KIF15: variants seen among roughly 807,000 people sequenced by gnomAD.
The protein encoded by KIF15 is kinesin family member 15, also known as kinesin-like protein KIF15.
Under a neutral mutation model 190.6 loss-of-function variants are expected in KIF15, and 140 were observed. That is an observed-to-expected ratio of 0.73 (90% CI 0.64 to 0.84). The LOEUF (loss-of-function observed/expected upper bound fraction) is 0.84, where lower values mean the gene tolerates loss of function less well. Ranked by LOEUF, KIF15 falls within the 40% of genes least tolerant of loss-of-function variation. KIF15 has a pLI of 0.00. For missense variants in KIF15, 1,372 were observed against 1,584.4 expected (o/e 0.87, Z 2.28); for synonymous variants, 528 against 551.3 (o/e 0.96, Z 0.59).
At chr3:44,800,181 C>A in intron 10 of KIF15, 133 bp from the exon 11 acceptor site, 1 of 756,170 alleles carries the variant, frequency 1.3e-6, no homozygotes, top group Non-Finnish European at 2.1e-6. Context: ...ATTCCTGTGT[C>A]CTTTTGACTA....
At chr3:44,830,864 T>C (rs761297641) in intron 25 of KIF15, 32 bp from the exon 26 acceptor site, 4 of 1,591,728 alleles carry the variant, frequency 2.5e-6, no homozygotes, top group Admixed American at 1.8e-5. Flanking sequence ...GGAAATAAAA[T>C]GGCTCTTATA....
At chr3:44,783,767 ATATTT>A (rs796650334) in intron 5 of KIF15, among the ~76,000 whole-genome samples, 129 of 152,302 alleles carry the variant, frequency 8.5e-4, no homozygotes, top group African/African-American at 2.8e-3. Context: ...GACAACTATT[ATATTT>A]TAAAATTTAT....
intron 14 of KIF15, among the ~76,000 whole-genome samples, chr3:44,804,008 G>A (rs932659820): frequency 6.6e-6 from 1 of 151,868 alleles, no homozygotes; most frequent in African/African-American, 2.4e-5. Flanking sequence ...CCACCACACC[G>A]AGCCAATTTT....
chr3:44,806,737 GTTCTTTTCTT>G (rs562228999), intron 16 of KIF15, among the ~76,000 whole-genome samples: 2 of 152,026 alleles, frequency 1.3e-5, no homozygotes, highest in South Asian at 2.1e-4. Flanking sequence ...TTGAATTCAA[GTTCTTTTCTT>G]TTCTTTTCTT....
rs757427845 is a variant in KIF15, at chr3:44,786,421, T to C, written c.486T>C (p.Cys162=). 1 of 1,610,926 alleles carries C rather than the reference T, an allele frequency of 6.2e-7. No individual in the cohort carries two copies. Among genetic ancestry groups the C allele is most frequent in the Admixed American group, 1.7e-5 (1 of 59,922 alleles). ...EKAGAGKSFL[C]KCSFIEIYNE... ...CTGGAGCTGGAAAGAGTTTCCTTTG[T>C]AAGTGTTCCTTTATTGAAATCTACA... The change falls in exon 7 of 35, where the codon TGT becomes TGC. Residue 162 remains cysteine (C), a synonymous_variant. Transcript: ENST00000326047.
rs1398529448 is a variant in KIF15 at position 44,852,194 on chromosome 3, T to C, written c.3973-14T>C. The C allele has an allele frequency of 1.2e-6, 2 of 1,604,296 alleles. No individual in the cohort carries two copies. Among genetic ancestry groups the C allele is most frequent in the African/African-American group, 1.3e-5 (1 of 74,570 alleles). On this transcript the variant is annotated splice_polypyrimidine_tract_variant and intron_variant, in intron 33 of 34. Coordinates refer to ENST00000326047, the MANE Select transcript of KIF15 (RefSeq NM_020242.3). ...TACTTCTCATTTTTCCCTCCTTGGA[T>C]TGATTACCTGCAGGAGATGGAAATG...
chr3:44,775,662 G>A (rs1434854038), intron 3 of KIF15, among the ~76,000 whole-genome samples: 4 of 151,828 alleles, frequency 2.6e-5, no homozygotes, highest in African/African-American at 9.6e-5. Flanking sequence ...CACCATGTTG[G>A]CCAGGATGGT....
intron 13 of KIF15, 33 bp downstream of exon 13, chr3:44,802,007 A>C: frequency 6.8e-7 from 1 of 1,462,948 alleles, no homozygotes; most frequent in Non-Finnish European, 9.3e-7. Context: ...ATTTCTAAAA[A>C]TAAAAGAAGT....
intron 6 of KIF15, chr3:44,864,352 C>T (rs762996397): frequency 1.2e-6 from 2 of 1,614,010 alleles, no homozygotes; most frequent in Admixed American, 1.7e-5. Context: ...CGGTGAGTAG[C>T]CTGAGGGTGT....
intron 5 of KIF15, among the ~76,000 whole-genome samples, chr3:44,783,093 C>T (rs576272111): frequency 1.3e-5 from 2 of 152,064 alleles, no homozygotes. Flanking sequence ...GGAGATACTG[C>T]AGTGGGTTAG....
intron 1 of KIF15, chr3:44,766,059 C>CA (rs1177133327): frequency 6.5e-6 from 1 of 153,972 alleles, no homozygotes; most frequent in African/African-American, 2.4e-5. Context: ...AGGCCGGTCT[C>CA]AAACTCCTGA....
intron 5 of KIF15, among the ~76,000 whole-genome samples, chr3:44,784,558 A>G (rs1417542882): frequency 6.6e-6 from 1 of 152,228 alleles, no homozygotes; most frequent in Non-Finnish European, 1.5e-5. Context: ...AGAGGGATTT[A>G]GTAATTAGCC....
intron 33 of KIF15, 116 bp from the exon 34 acceptor site, chr3:44,852,092 C>A: frequency 7.0e-7 from 1 of 1,435,382 alleles, no homozygotes; most frequent in Non-Finnish European, 9.4e-7. Context: ...GCCTTGAAAG[C>A]TGGGATTCTG....
At chr3:44,818,436 A>G (rs1708121828) in intron 20 of KIF15, among the ~76,000 whole-genome samples, 1 of 152,184 alleles carries the variant, frequency 6.6e-6, no homozygotes, top group South Asian at 2.1e-4. Context: ...TAGTTTATTG[A>G]GAGTTTTTAG....
intron 19 of KIF15, among the ~76,000 whole-genome samples, chr3:44,814,374 A>G (rs546462537): frequency 2.6e-5 from 4 of 152,102 alleles, no homozygotes; most frequent in Non-Finnish European, 4.4e-5. Context: ...AGTGGGTGCA[A>G]TCTCGGCTCA....
chr3:44,802,659 G>A (rs910340671), intron 13 of KIF15, among the ~76,000 whole-genome samples, 155 bp from the exon 14 acceptor site: 7 of 152,212 alleles, frequency 4.6e-5, no homozygotes, highest in African/African-American at 1.7e-4. Flanking sequence ...TTTTCAAACT[G>A]ATCACAAATG....
chr3:44,843,017 C>T, intron 29 of KIF15, 108 bp from the exon 30 acceptor site: 1 of 732,958 alleles, frequency 1.4e-6, no homozygotes, highest in South Asian at 1.9e-5. Flanking sequence ...TGCAGTGTCT[C>T]TGCATAGGAA....
intron 26 of KIF15, among the ~76,000 whole-genome samples, chr3:44,832,193 G>A (rs754847778): frequency 6.6e-6 from 1 of 152,228 alleles, no homozygotes; most frequent in Non-Finnish European, 1.5e-5. Flanking sequence ...AAGCTTGGCA[G>A]TGTGAACATG....
At chr3:44,844,758 G>A (rs1336037166) in intron 30 of KIF15, among the ~76,000 whole-genome samples, 2 of 152,178 alleles carry the variant, frequency 1.3e-5, no homozygotes, top group Non-Finnish European at 2.9e-5. Context: ...TGAGTAGTGA[G>A]GAAAGCTCAT....
Sources: gnomAD v4.1 joint callset for allele counts (sites outside exome capture counted in the v4.1 genomes callset) on GRCh38, gnomAD v4.1.1 for gene constraint, MANE v1.5 for transcripts, NCBI Gene and HGNC (gene_info 2026-07-23, HGNC 2026-07-21) for gene names.